TMC6: variants seen among roughly 807,000 people sequenced by gnomAD.
TMC6 encodes the protein transmembrane channel like 6.
Under a neutral mutation model 95.4 loss-of-function variants are expected in TMC6, and 71 were observed. The observed-to-expected ratio is 0.74, with a 90% CI of 0.61 to 0.91. TMC6 has a LOEUF of 0.91. TMC6 is among the 40% of genes least tolerant of loss of function. The pLI is 0.00. For synonymous variants in TMC6, 514 were observed against 483.1 expected, an observed-to-expected ratio of 1.06 and a Z score of -0.84; for missense variants, 1,074 against 1,079.1, an observed-to-expected ratio of 1.00 and a Z score of 0.07.
intron 18 of TMC6, 83 bp downstream of exon 18, chr17:78,117,186 A>T: frequency 7.0e-7 from 1 of 1,427,670 alleles, no homozygotes; most frequent in Non-Finnish European, 9.9e-7. Flanking sequence ...CCCACAGGAG[A>T]TGTACAGGGG....
intron 1 of TMC6, 21 bp from the exon 2 acceptor site, chr17:78,126,927 A>G (rs1458333463): frequency 2.1e-6 from 3 of 1,450,372 alleles, no homozygotes; most frequent in African/African-American, 1.4e-5. Flanking sequence ...AGGGGCACAG[A>G]GCCAGGGGTG....
In TMC6 at chr17:78,117,070, G is replaced by T. The variant is rs529249685; in HGVS notation, c.2277+199C>A. ...CAGTGGGGCCCTGCGGGTCCTTGGG[G>T]ATCAGGAGCCTGGCTCTGTCTCACG... On this transcript the variant is annotated intron_variant, in intron 18 of 19. Coordinates refer to ENST00000590602, the MANE Select transcript of TMC6 (RefSeq NM_001127198.5). Among the ~76,000 whole-genome samples the T allele has an allele frequency of 2.0e-5, 3 of 152,112 alleles. No individual in the cohort carries two copies. The South Asian group carries it at 6.2e-4, about 32-fold the overall frequency.
At chr17:78,117,728 C>G in intron 16 of TMC6, 74 bp downstream of exon 16, 1 of 1,566,434 alleles carries the variant, frequency 6.4e-7, no homozygotes, top group Non-Finnish European at 8.7e-7. Flanking sequence ...CACCCCTAAG[C>G]CTTGGGCCCC....
At chr17:78,126,243 CG>C in intron 4 of TMC6, 33 bp downstream of exon 4, 2 of 1,541,914 alleles carry the variant, frequency 1.3e-6, no homozygotes. Flanking sequence ...AACTCGGGGC[CG>C]GGGCCGAGGC....
At position 78,121,964 on chromosome 17, in the gene TMC6, C is replaced by A. The variant is rs2074436477; in HGVS notation, c.1228-253G>T. The stretch of plus-strand genomic sequence containing the variant: ...CGTTCACTCCCGAGGCCTGCCTCAA[C>A]CCCTCTCCACCCACCTCCCCAGCCC... On this transcript the variant is annotated intron_variant, in intron 10 of 19. Coordinates refer to ENST00000590602, the MANE Select transcript of TMC6 (RefSeq NM_001127198.5). This position sits in a 1 kb window ranked among gnomAD's most constrained non-coding sequence, Gnocchi z 5.6. 6.6e-6 allele frequency among the ~76,000 whole-genome samples: 1 copy of A among 152,112 alleles called. No homozygotes were observed. The highest frequency in any genetic ancestry group is 2.4e-5 in the African/African-American group (1 of 41,428).
chr17:78,119,422 G>T, intron 13 of TMC6, 30 bp from the exon 14 acceptor site: 3 of 1,611,794 alleles, frequency 1.9e-6, no homozygotes, highest in Non-Finnish European at 2.5e-6. Flanking sequence ...ATCGTTAGAT[G>T]GGAAAGCCAT....
At chr17:78,126,670 G>A (rs1460857223) in intron 2 of TMC6, 22 bp from the exon 3 acceptor site, 2 of 1,612,568 alleles carry the variant, frequency 1.2e-6, no homozygotes, top group African/African-American at 2.7e-5. Context: ...GTTGGCGGGG[G>A]GGTCAGGCTC....
At chr17:78,128,830 G>A (rs1485900684), upstream of TMC6, 1 of 140,226 alleles carries the variant, frequency 7.1e-6, no homozygotes, top group African/African-American at 2.6e-5. This position sits in a 1 kb window ranked among gnomAD's most constrained non-coding sequence, Gnocchi z 4.0. Flanking sequence ...CGGCTATCAC[G>A]TGACCCGGCC....
In TMC6 at chr17:78,121,685, C is replaced by T; in HGVS notation, c.1254G>A (p.Arg418=). Residue 418 remains arginine (R), a synonymous_variant, in exon 11 of 20, where the codon CGG becomes CGA. Coordinates refer to ENST00000590602, the MANE Select transcript of TMC6 (RefSeq NM_001127198.5). This position sits in a 1 kb window ranked among gnomAD's most constrained non-coding sequence, Gnocchi z 5.6. ...TCCCGCACACGCTCCTGGGGCTGTG[C>T]CGCAGCTGCCACTCGGCCAGCAGCT... ...LKELLAEWQL[R]HSPRSVCGRL... 1 of 1,588,986 alleles carries T rather than the reference C, an allele frequency of 6.3e-7. No individual in the cohort carries two copies. The highest frequency in any genetic ancestry group is 8.5e-7 in the Non-Finnish European group (1 of 1,170,132).
At chr17:78,118,844 C>G in intron 15 of TMC6, 127 bp downstream of exon 15, 1 of 1,073,602 alleles carries the variant, frequency 9.3e-7, no homozygotes, top group Non-Finnish European at 1.4e-6. Context: ...AGGGCAGCCC[C>G]GAGCCGCCAG....
At chr17:78,115,982 G>A (rs917078990) in intron 18 of TMC6, among the ~76,000 whole-genome samples, 3 of 151,898 alleles carry the variant, frequency 2.0e-5, no homozygotes, top group Admixed American at 6.6e-5. Flanking sequence ...CTCCGGTATG[G>A]GGTCCGACCC....
Position 78,124,183 on chromosome 17 carries a change from C to A in TMC6, c.892-4G>T. ...TGACGGTGTGGGTGAAGCAACCCTG[C>A]CACAGGGAGATCCAGCCGAGTCAGG... On this transcript the variant is annotated splice_region_variant and splice_polypyrimidine_tract_variant and intron_variant, in intron 8 of 19. Coordinates refer to ENST00000590602, the MANE Select transcript of TMC6 (RefSeq NM_001127198.5). 2 of 1,611,126 alleles carry A rather than the reference C, an allele frequency of 1.2e-6. No individual in the cohort carries two copies. The highest frequency in any genetic ancestry group is 1.7e-6 in the Non-Finnish European group (2 of 1,179,660).
In TMC6 at chr17:78,125,860, G is replaced by A. The variant is rs374583245; in HGVS notation, c.296C>T (p.Ser99Phe). ...TIGRSRGAII[S>F]QYYNRTVQLR... ...CTGCACCGTGCGGTTGTAGTACTGG[G>A]AGATGATGGCACCTCGGCTGCGGCC... The change falls in exon 5 of 20, where the codon TCC becomes TTC. Residue 99 changes from serine to phenylalanine, a missense_variant. Coordinates refer to ENST00000590602, the MANE Select transcript of TMC6 (RefSeq NM_001127198.5). 2 of 1,551,558 alleles carry A rather than the reference G, an allele frequency of 1.3e-6. No homozygotes were observed. The highest frequency in any genetic ancestry group is 1.4e-5 in the African/African-American group (1 of 73,202).
intron 18 of TMC6, among the ~76,000 whole-genome samples, 175 bp downstream of exon 18, chr17:78,117,094 C>T (rs933405094): frequency 1.3e-5 from 2 of 152,250 alleles, no homozygotes; most frequent in African/African-American, 2.4e-5. Context: ...CTCTGTCTCA[C>T]GGCTACTTCG....
At position 78,109,110 on chromosome 17, in the gene TMC6, C is replaced by T. The variant is rs2073771756; in HGVS notation, c.*4038G>A. On this transcript the variant is annotated 3_prime_UTR_variant, in exon 20 of 20. Transcript: ENST00000590602. ...TACAGGCATGAGCCAGGTGCCCAGC[C>T]TTTGTTGTTGTTGTTGTTGCTGCTA... 3.8e-6 allele frequency: 1 copy of T among 264,856 alleles called. No individual in the cohort carries two copies. Among genetic ancestry groups the T allele is most frequent in the Non-Finnish European group, 7.5e-6 (1 of 133,430 alleles). 16.4% of individuals were successfully genotyped at this position (264,856 alleles called of 1,614,324 possible).
chr17:78,125,081 C>A (rs1190846225), intron 6 of TMC6, 77 bp downstream of exon 6: 19 of 1,542,100 alleles, frequency 1.2e-5, no homozygotes, highest in Non-Finnish European at 1.6e-5. Flanking sequence ...CCCCTTCTCC[C>A]CCACCACCTA....
chr17:78,124,491 A>AC (rs766635393), intron 8 of TMC6, 33 bp downstream of exon 8: 12 of 1,600,850 alleles, frequency 7.5e-6, no homozygotes, highest in African/African-American at 2.7e-5. Context: ...GAAGACAGGC[A>AC]CCCCCCGTCC....
chr17:78,124,668 G>A lies in TMC6; in HGVS notation c.747C>T (p.Phe249=), dbSNP rs1042301977. 8.1e-6 allele frequency: 13 copies of A among 1,610,070 alleles called. No homozygotes were observed. The highest frequency in any genetic ancestry group is 4.4e-5 in the South Asian group (4 of 90,728). The change falls in exon 8 of 20, where the codon TTC becomes TTT. Residue 249 remains phenylalanine, a synonymous_variant. Transcript: ENST00000590602. ...AAGCCAGCAGGGTCTTGAGAAAGAG[G>A]AAGTAGGAGAGCACGCTGGAGCCGA... ...GQFGSSVLSY[F]LFLKTLLAFN...
chr17:78,130,518 C>T (rs374765478), upstream of TMC6: 1 of 152,378 alleles, frequency 6.6e-6, no homozygotes, highest in African/African-American at 2.4e-5. Context: ...ACCAGTGGAC[C>T]CTAGGGCTGC....
Sources: allele counts gnomAD v4.1 joint callset (sites outside exome capture counted in the v4.1 genomes callset), GRCh38; gene constraint gnomAD v4.1.1; non-coding constraint Gnocchi (gnomAD v3.1); transcripts MANE v1.5; gene names NCBI Gene and HGNC (gene_info 2026-07-23, HGNC 2026-07-21).